AUTS2: variants seen among roughly 807,000 people sequenced by gnomAD.
AUTS2 encodes the protein autism susceptibility gene 2 protein.
In AUTS2, 17 loss-of-function variants were observed where a neutral mutation model predicts 112.4. The ratio of observed to expected loss-of-function variants is 0.15; its 90% CI spans 0.10 to 0.23. The LOEUF is 0.23. Among genes scored for constraint, AUTS2 ranks in the 10% least tolerant of loss-of-function variants. AUTS2 has a pLI of 1.00. For synonymous variants in AUTS2, 751 were observed against 702.7 expected, an observed-to-expected ratio of 1.07 and a Z score of -1.09; for missense variants, 1,510 against 1,701.6, an observed-to-expected ratio of 0.89 and a Z score of 1.98.
intron 1 of AUTS2, among the ~76,000 whole-genome samples, chr7:69,612,658 G>A (rs917884228): frequency 2.6e-5 from 4 of 151,958 alleles, no homozygotes; most frequent in African/African-American, 9.7e-5. Context: ...GTCTTCCTAT[G>A]TTGCTTAGGC....
intron 5 of AUTS2, among the ~76,000 whole-genome samples, chr7:70,613,697 G>C (rs1804212006): frequency 6.6e-6 from 1 of 152,194 alleles, no homozygotes; most frequent in Non-Finnish European, 1.5e-5. Context: ...AGAGAGAGGG[G>C]TTGGTGAGAG....
intron 5 of AUTS2, among the ~76,000 whole-genome samples, chr7:70,634,493 T>C (rs1805434503): frequency 1.3e-5 from 2 of 152,206 alleles, no homozygotes; most frequent in Non-Finnish European, 2.9e-5. Flanking sequence ...CCTTTGGATT[T>C]AAGCTGCACG....
chr7:69,603,863 G>A (rs1227050615), intron 1 of AUTS2, among the ~76,000 whole-genome samples: 5 of 152,208 alleles, frequency 3.3e-5, no homozygotes, highest in African/African-American at 7.2e-5. Context: ...GTGTCCTGAT[G>A]TGTTAGATAG....
chr7:69,618,614 G>A (rs1793499658), intron 1 of AUTS2, among the ~76,000 whole-genome samples: 1 of 152,088 alleles, frequency 6.6e-6, no homozygotes, highest in Non-Finnish European at 1.5e-5. Flanking sequence ...TAGTACTGGT[G>A]CTTTTGAGGA....
intron 2 of AUTS2, among the ~76,000 whole-genome samples, chr7:70,106,618 A>G (rs1804781199): frequency 6.6e-6 from 1 of 152,184 alleles, no homozygotes. Flanking sequence ...TACTGGGGAG[A>G]CTGAGGTGGG....
At position 69,703,048 on chromosome 7, in the gene AUTS2, G is replaced by A. The variant is rs576576319; in HGVS notation, c.309+103086G>A. ...ATTACTTTCAATGGCAATTTCAGTGGCAAAAACCATGGTTACTTTTGTACC... is the reference window on the plus strand; with the variant it reads ...ATTACTTTCAATGGCAATTTCAGTGACAAAAACCATGGTTACTTTTGTACC... On this transcript the variant is annotated intron_variant, in intron 1 of 18. Transcript: ENST00000342771. Among the ~76,000 whole-genome samples, 66 of 152,200 alleles carry A rather than the reference G, an allele frequency of 4.3e-4. 1 individual carries two copies. In the Middle Eastern group the frequency reaches 0.01, roughly 24 times the overall value.
At chr7:69,630,440 C>T (rs537824716) in intron 1 of AUTS2, among the ~76,000 whole-genome samples, 1 of 152,272 alleles carries the variant, frequency 6.6e-6, no homozygotes, top group African/African-American at 2.4e-5. Flanking sequence ...GGCAGCCGTG[C>T]TAACCATCTT....
intron 5 of AUTS2, among the ~76,000 whole-genome samples, chr7:70,457,656 G>C (rs988002592): frequency 4.6e-5 from 7 of 152,178 alleles, no homozygotes; most frequent in Non-Finnish European, 1.5e-5. Flanking sequence ...AGAGGTGGGG[G>C]TGGTGGAGGG....
chr7:70,723,902 A>C (rs1786850206), intron 6 of AUTS2, among the ~76,000 whole-genome samples: 1 of 152,002 alleles, frequency 6.6e-6, no homozygotes, highest in Non-Finnish European at 1.5e-5. Context: ...GAATTTGAGA[A>C]GGGTTTTTGA....
chr7:70,364,628 G>A (rs2129628265), intron 4 of AUTS2, among the ~76,000 whole-genome samples: 1 of 147,800 alleles, frequency 6.8e-6, no homozygotes, highest in East Asian at 2.0e-4. Context: ...AATTAAAAAG[G>A]GCTCAAAAGT....
intron 4 of AUTS2, among the ~76,000 whole-genome samples, chr7:70,193,406 T>A (rs1243378077): frequency 4.6e-5 from 7 of 152,216 alleles, no homozygotes; most frequent in Admixed American, 3.9e-4. Context: ...CTGAGTAAGA[T>A]CTTGCTCTGT....
chr7:70,047,026 A>G (rs950503840), intron 2 of AUTS2, among the ~76,000 whole-genome samples: 11 of 152,190 alleles, frequency 7.2e-5, no homozygotes, highest in African/African-American at 2.7e-4. Flanking sequence ...TAGACTCTGT[A>G]CAGCACTGTA....
chr7:70,486,621 T>A (rs767429549), intron 5 of AUTS2, among the ~76,000 whole-genome samples: 3 of 151,978 alleles, frequency 2.0e-5, no homozygotes, highest in African/African-American at 7.3e-5. Flanking sequence ...TAGCCGGGCA[T>A]GGTGGCACAT....
intron 6 of AUTS2, among the ~76,000 whole-genome samples, chr7:70,718,796 A>G (rs1400367794): frequency 6.6e-6 from 1 of 152,228 alleles, no homozygotes; most frequent in African/African-American, 2.4e-5. Flanking sequence ...CCCCCTTTGT[A>G]TAAAATACCT....
intron 1 of AUTS2, among the ~76,000 whole-genome samples, chr7:69,660,524 A>G (rs989756034): frequency 6.6e-6 from 1 of 152,204 alleles, no homozygotes; most frequent in Non-Finnish European, 1.5e-5. Context: ...CTGTTGGCAA[A>G]TTTAAAACTT....
chr7:70,291,927 C>T (rs1788725881), intron 4 of AUTS2: 1 of 152,166 alleles, frequency 6.6e-6, no homozygotes, highest in African/African-American at 2.4e-5. Flanking sequence ...TAAGCAAAAC[C>T]GTCATTCACA....
chr7:70,357,466 T>C (rs1161542036), intron 4 of AUTS2, among the ~76,000 whole-genome samples: 1 of 152,212 alleles, frequency 6.6e-6, no homozygotes, highest in African/African-American at 2.4e-5. Flanking sequence ...TTTGTCATTG[T>C]TCTTATGTCT....
intron 4 of AUTS2, among the ~76,000 whole-genome samples, chr7:70,171,783 TTTTTG>T (rs1808703277): frequency 1.3e-5 from 2 of 152,298 alleles, no homozygotes; most frequent in African/African-American, 4.8e-5. Flanking sequence ...AAGAAATGAA[TTTTTG>T]TCAGCAGGGA....
chr7:69,825,710 T>TC (rs1791211447), intron 1 of AUTS2: 1 of 152,124 alleles, frequency 6.6e-6, no homozygotes, highest in African/African-American at 2.4e-5. Flanking sequence ...TTTTACTTAA[T>TC]CCCTGAGCCT....
Sources: gnomAD v4.1 joint callset for allele counts (sites outside exome capture counted in the v4.1 genomes callset) on GRCh38, gnomAD v4.1.1 for gene constraint, MANE v1.5 for transcripts, NCBI Gene and HGNC (gene_info 2026-07-23, HGNC 2026-07-21) for gene names.